GIT1: variants seen among roughly 807,000 people sequenced by gnomAD.
GIT1 encodes GIT ArfGAP 1, also known as ARF GTPase-activating protein GIT1.
In GIT1, 14 loss-of-function variants were observed where a neutral mutation model predicts 91.7. The observed-to-expected ratio is 0.15, with a 90% CI of 0.10 to 0.24. The LOEUF is 0.24. GIT1 is among the 10% of genes least tolerant of loss of function. The pLI, the probability that GIT1 is intolerant of heterozygous loss-of-function variation, is 1.00. For synonymous variants in GIT1, 414 were observed against 418.2 expected (o/e 0.99, Z 0.12); for missense variants, 717 against 1,024.9 (o/e 0.70, Z 4.10).
intron 7 of GIT1, among the ~76,000 whole-genome samples, chr17:29,580,295 A>G (rs3115097): frequency 0.67 from 102,176 of 152,110 alleles, 34,381 homozygotes; most frequent in East Asian, 0.75. Flanking sequence ...TGCACACACA[A>G]CCCAGGTAGA....
chr17:29,582,390 GTTAT>G (rs2033431282), intron 4 of GIT1, among the ~76,000 whole-genome samples: 1 of 152,388 alleles, frequency 6.6e-6, no homozygotes, highest in South Asian at 2.1e-4. Flanking sequence ...AGTAGATGCT[GTTAT>G]TTCTTTCCCA....
intron 1 of GIT1, among the ~76,000 whole-genome samples, chr17:29,584,914 A>G (rs2033537218): frequency 1.3e-5 from 2 of 150,672 alleles, no homozygotes; most frequent in Admixed American, 6.6e-5. Context: ...CCACTGAGGC[A>G]TGAAAACAGG....
Position 29,575,976 on chromosome 17 carries a change from G to C in GIT1, c.1666-78C>G, listed in dbSNP as rs570098432. 184 of 1,533,256 alleles carry C rather than the reference G, an allele frequency of 1.2e-4. 1 individual carries two copies. The African/African-American group carries it at 1.7e-3, about 15-fold the overall frequency. 95.0% of individuals were successfully genotyped at this position (1,533,256 alleles called of 1,614,324 possible). A position where few individuals can be genotyped will look rare whatever the true frequency, so the allele number is the denominator to read the frequency against. On this transcript the variant is annotated intron_variant, in intron 15 of 19. Coordinates refer to ENST00000225394, the MANE Select transcript of GIT1 (RefSeq NM_014030.4). This position sits in a 1 kb window ranked among gnomAD's most constrained non-coding sequence, Gnocchi z 5.5. ...CTCACCAGCAGTGCAGCAGGGACCA[G>C]GTCAGTCTAATCATCTTAAGCCCCG...
Position 29,587,348 on chromosome 17 carries a change from G to A in GIT1, c.52+1979C>T, listed in dbSNP as rs539639646. 5.9e-5 allele frequency among the ~76,000 whole-genome samples: 9 copies of A among 152,284 alleles called. No homozygotes were observed. In the South Asian group the frequency reaches 1.0e-3, roughly 18 times the overall value. On this transcript the variant is annotated intron_variant, in intron 1 of 19. Coordinates refer to ENST00000225394, the MANE Select transcript of GIT1 (RefSeq NM_014030.4). The stretch of plus-strand genomic sequence containing the variant: ...GTGCCTGCCATGTGCTGGACACCTC[G>A]CTGGGTGCTAGGTGGGCTGATGAGT...
rs1219508911 is a variant in GIT1 at position 29,575,273 on chromosome 17, C to T, written c.2009+15G>A. The T allele has an allele frequency of 4.4e-6, 7 of 1,602,764 alleles. No homozygotes were observed. The highest frequency in any genetic ancestry group is 5.1e-6 in the Non-Finnish European group (6 of 1,173,232). On this transcript the variant is annotated intron_variant, in intron 18 of 19. Transcript: ENST00000225394. This position sits in a 1 kb window ranked among gnomAD's most constrained non-coding sequence, Gnocchi z 5.5. The stretch of plus-strand genomic sequence containing the variant: ...CAGGAACTGCATCCCCCTCACCTCC[C>T]CCTCCACTCAGTACCTGTCATGCTT...
At chr17:29,577,364 TC>T in intron 10 of GIT1, 117 bp from the exon 11 acceptor site, 1 of 824,276 alleles carries the variant, frequency 1.2e-6, no homozygotes, top group Non-Finnish European at 2.0e-6. Context: ...AGCTAAAGCG[TC>T]CCAGCCTAGC....
chr17:29,578,983 C>A, intron 7 of GIT1: 1 of 1,613,930 alleles, frequency 6.2e-7, no homozygotes, highest in African/African-American at 1.3e-5. Flanking sequence ...GCACTTTTGC[C>A]GAGATCTAAG....
In GIT1 at chr17:29,575,171, G is replaced by A; in HGVS notation, c.2010-29C>T. 1 of 1,579,564 alleles carries A rather than the reference G, an allele frequency of 6.3e-7. No individual in the cohort carries two copies. The highest frequency in any genetic ancestry group is 8.6e-7 in the Non-Finnish European group (1 of 1,157,884). ...CGGGGAGAAGGGAGGCTATAAAGCA[G>A]GGGGCTCTCAAGGGAGGTTCCCAGG... On this transcript the variant is annotated intron_variant, in intron 18 of 19. Coordinates refer to ENST00000225394, the MANE Select transcript of GIT1 (RefSeq NM_014030.4). This position sits in a 1 kb window ranked among gnomAD's most constrained non-coding sequence, Gnocchi z 5.5.
rs996505025 is a variant in GIT1 at position 29,589,617 on chromosome 17, C to A, written c.-239G>T. On this transcript the variant is annotated 5_prime_UTR_variant, in exon 1 of 20. Coordinates refer to ENST00000225394, the MANE Select transcript of GIT1 (RefSeq NM_014030.4). This position sits in a 1 kb window ranked among gnomAD's most constrained non-coding sequence, Gnocchi z 5.2. ...CCCCGCCGCCGCTCGCGGCTCCTCT[C>A]TCCGCCCCCTGCGCGGCTCCCGGCC... is the stretch of plus-strand genomic sequence containing the variant. 1 of 149,200 alleles carries A rather than the reference C, an allele frequency of 6.7e-6. No individual in the cohort carries two copies. Among genetic ancestry groups the A allele is most frequent in the South Asian group, 1.8e-4 (1 of 5,494 alleles). 9.2% of individuals were successfully genotyped at this position (149,200 alleles called of 1,614,324 possible). A position where few individuals can be genotyped will look rare whatever the true frequency, so the allele number is the denominator to read the frequency against.
At position 29,589,098 on chromosome 17, in the gene GIT1, G is replaced by A. The variant is rs2033708923; in HGVS notation, c.52+229C>T. Among the ~76,000 whole-genome samples, 1 of 152,038 alleles carries A rather than the reference G, an allele frequency of 6.6e-6. No homozygotes were observed. The highest frequency in any genetic ancestry group is 2.1e-4 in the South Asian group (1 of 4,832). On this transcript the variant is annotated intron_variant, in intron 1 of 19. Transcript: ENST00000225394. This position sits in a 1 kb window ranked among gnomAD's most constrained non-coding sequence, Gnocchi z 5.2. ...ACCGAGGAGCGGGAGGCGGCGCCGG[G>A]AACGTCCTTCCTCGCTAGTCCACGG... is the stretch of plus-strand genomic sequence containing the variant.
Position 29,581,249 on chromosome 17 carries a change from C to A in GIT1, c.761+89G>T. ...TGGGGGGAGGGAGCAGGGTCCTAGGCCTCTGAAACCTGGGCTGGGAGCTCT... is the reference window on the plus strand; with the variant it reads ...TGGGGGGAGGGAGCAGGGTCCTAGGACTCTGAAACCTGGGCTGGGAGCTCT... On this transcript the variant is annotated intron_variant, in intron 7 of 19. Transcript: ENST00000225394. This position sits in a 1 kb window ranked among gnomAD's most constrained non-coding sequence, Gnocchi z 4.8. The A allele has an allele frequency of 1.6e-5, 15 of 916,692 alleles. No individual in the cohort carries two copies. The highest frequency in any genetic ancestry group is 2.7e-5 in the Non-Finnish European group (15 of 549,644). 56.8% of individuals were successfully genotyped at this position (916,692 alleles called of 1,614,324 possible).
chr17:29,575,511 A>T lies in GIT1; in HGVS notation c.1827-41T>A. 6.3e-7 allele frequency: 1 copy of T among 1,578,924 alleles called. No individual in the cohort carries two copies. The highest frequency in any genetic ancestry group is 8.6e-7 in the Non-Finnish European group (1 of 1,158,020). On this transcript the variant is annotated intron_variant, in intron 17 of 19. Transcript: ENST00000225394. The surrounding 1 kb of genome is among the most constrained non-coding windows in gnomAD (Gnocchi z 5.5). ...AGAAAACAGAGACAAAGATACATAT[A>T]GAGAAAGACACGTTCCAGCCTCGGA...
chr17:29,582,734 C>T lies in GIT1; in HGVS notation c.369G>A (p.Arg123=). Residue 123 remains arginine (R), a synonymous_variant, in exon 4 of 20, where the codon CGG becomes CGA. Transcript: ENST00000225394. ...CTTTGGCGGTGACTCCATCATCGTC[C>T]CGGCAGGGAAGCTTGTGCACAAATG... ...MLAFVHKLPC[R]DDDGVTAKDL... is the part of the protein sequence containing the mutation. The T allele has an allele frequency of 6.2e-7, 1 of 1,613,578 alleles. No homozygotes were observed. Among genetic ancestry groups the T allele is most frequent in the Non-Finnish European group, 8.5e-7 (1 of 1,179,880 alleles).
chr17:29,576,756 CAGCCCACCTG>C, intron 12 of GIT1, 82 bp from the exon 13 acceptor site: 1 of 1,588,258 alleles, frequency 6.3e-7, no homozygotes. Context: ...AGGCTAGGAG[CAGCCCACCTG>C]TCCCTCAGGC....
In GIT1 at chr17:29,575,382, G is replaced by A; in HGVS notation, c.1915C>T (p.Leu639Phe). ...ESLDGDLDPG[L>F]PSTEDVILKT... ...AAGATGACATCCTCTGTGCTGGGAA[G>A]CCCAGGATCTAGGTCTCCATCCAGG... The change falls in exon 18 of 20, where the codon CTT becomes TTT. Residue 639 changes from leucine to phenylalanine, a missense_variant. By Grantham distance (22) the Leu-to-Phe change is conservative. Around this residue, in one of 3 missense-constraint regions of GIT1, gnomAD observed 134 missense variants for 223.8 expected, o/e 0.60. Transcript: ENST00000225394. This position sits in a 1 kb window ranked among gnomAD's most constrained non-coding sequence, Gnocchi z 5.5. 5 of 1,613,596 alleles carry A rather than the reference G, an allele frequency of 3.1e-6. No individual in the cohort carries two copies. Among genetic ancestry groups the A allele is most frequent in the Non-Finnish European group, 4.2e-6 (5 of 1,179,728 alleles).
rs77699033 is a variant in GIT1, at chr17:29,578,463, G to A, written c.811-92C>T. The A allele has an allele frequency of 8.0e-4, 979 of 1,221,018 alleles. 12 individuals carry two copies. In the African/African-American group the frequency reaches 0.013, roughly 16 times the overall value. The allele number at this position is 1,221,018 out of a possible 1,614,324, so 75.6% of individuals were successfully genotyped here. A position where few individuals can be genotyped will look rare whatever the true frequency, so the allele number is the denominator to read the frequency against. Reference sequence around the variant, plus strand: ...AGCATGTTGTGAGCCTTGGGGAACCGGTGGCCTTCCTTGTGCTGCCCAGCC... The same window carrying A: ...AGCATGTTGTGAGCCTTGGGGAACCAGTGGCCTTCCTTGTGCTGCCCAGCC... On this transcript the variant is annotated intron_variant, in intron 8 of 19. Transcript: ENST00000225394.
intron 1 of GIT1, among the ~76,000 whole-genome samples, chr17:29,588,831 C>A (rs1428614472): frequency 6.6e-6 from 1 of 152,228 alleles, no homozygotes; most frequent in African/African-American, 2.4e-5. Context: ...GGTATTCAGG[C>A]CCCACTGGCG....
rs775272061 is a variant in GIT1 at position 29,576,371 on chromosome 17, C to T, written c.1460G>A (p.Arg487Gln). ...PVPTPPLPSE[R>Q]AEHTPMAPGG... ...TGGCGCCATGGGTGTGTGTTCCGCCCGTTCACTGGGGAGTGGAGGTGTGGG... is the reference window on the plus strand; with the variant it reads ...TGGCGCCATGGGTGTGTGTTCCGCCTGTTCACTGGGGAGTGGAGGTGTGGG... Residue 487 changes from arginine (R) to glutamine (Q), a missense_variant, in exon 14 of 20, where the codon CGG (arginine) becomes CAG (glutamine). Arg to Gln is a conservative substitution (Grantham distance 43). Around this residue, in one of 3 missense-constraint regions of GIT1, gnomAD observed 312 missense variants for 349.5 expected, o/e 0.89. Transcript: ENST00000225394. The T allele has an allele frequency of 8.1e-6, 13 of 1,613,374 alleles. No homozygotes were observed. Among genetic ancestry groups the T allele is most frequent in the East Asian group, 6.7e-5 (3 of 44,890 alleles).
In GIT1 at chr17:29,574,676, T is replaced by A; in HGVS notation, c.*26A>T. The A allele has an allele frequency of 6.4e-7, 1 of 1,561,566 alleles. No homozygotes were observed. Among genetic ancestry groups the A allele is most frequent in the African/African-American group, 1.4e-5 (1 of 73,914 alleles). ...TCCTATGGCCAGTGAGGTCCTAGGG[T>A]GCAGGTGAGGGTGTGGGGAGAGAGG... On this transcript the variant is annotated 3_prime_UTR_variant, in exon 20 of 20. Coordinates refer to ENST00000225394, the MANE Select transcript of GIT1 (RefSeq NM_014030.4).
Sources: allele counts gnomAD v4.1 joint callset (sites outside exome capture counted in the v4.1 genomes callset), GRCh38; gene constraint gnomAD v4.1.1; regional missense constraint gnomAD v4.1.1; non-coding constraint Gnocchi (gnomAD v3.1); transcripts MANE v1.5; gene names NCBI Gene and HGNC (gene_info 2026-07-23, HGNC 2026-07-21).